The following CCDC50 variants were observed in gnomAD, a reference collection of about 807,000 sequenced individuals.
The protein encoded by CCDC50 is coiled-coil domain-containing protein 50.
In CCDC50, 54 loss-of-function variants were observed where a neutral mutation model predicts 70.2. The ratio of observed to expected loss-of-function variants is 0.77; its 90% CI spans 0.62 to 0.96. The LOEUF (loss-of-function observed/expected upper bound fraction) is 0.96. Ranked by LOEUF, CCDC50 falls within the 50% of genes least tolerant of loss-of-function variation. The pLI, the probability that CCDC50 is intolerant of heterozygous loss-of-function variation, is 0.00. For synonymous variants in CCDC50, 216 were observed against 198.8 expected (o/e 1.09, Z -0.73); for missense variants, 558 against 578.7 (o/e 0.96, Z 0.37).
chr3:191,351,083 A>T (rs1305975505), intron 1 of CCDC50, among the ~76,000 whole-genome samples: 1 of 141,822 alleles, frequency 7.1e-6, no homozygotes, highest in Non-Finnish European at 1.6e-5. Context: ...TTACCCCATC[A>T]CTTGTAAATC....
At chr3:191,336,629 A>G (rs1003409427) in intron 1 of CCDC50, among the ~76,000 whole-genome samples, 2 of 152,178 alleles carry the variant, frequency 1.3e-5, no homozygotes, top group Non-Finnish European at 2.9e-5. Context: ...TATCAGAATG[A>G]TATGGGGATC....
chr3:191,389,569 C>T lies in CCDC50; in HGVS notation c.1396C>T (p.Arg466Trp), dbSNP rs147604673. The T allele has an allele frequency of 0.018, 29,740 of 1,613,704 alleles. 334 individuals are homozygous for T. Among genetic ancestry groups the T allele is most frequent in the Non-Finnish European group, 0.021 (24,871 of 1,179,672 alleles). ...TTTTACAAACCAGCAGAGTTCCACA[C>T]GGCATTTCTCAAAATCAGAGTCCTC... Reference protein sequence around the residue: ...THFTNQQSSTRHFSKSESSHK... With the variant: ...THFTNQQSSTWHFSKSESSHK... Residue 466 changes from arginine to tryptophan, a missense_variant, in exon 11 of 12, where the codon CGG becomes TGG. By Grantham distance (101) the Arg-to-Trp change is moderately radical. Coordinates refer to ENST00000392455, the MANE Select transcript of CCDC50 (RefSeq NM_178335.3).
chr3:191,350,341 G>C (rs1483011489), intron 1 of CCDC50, among the ~76,000 whole-genome samples: 1 of 141,718 alleles, frequency 7.1e-6, no homozygotes, highest in African/African-American at 2.5e-5. Context: ...TGCTTTCAAA[G>C]CAGAGTATAT....
At chr3:191,346,247 C>A (rs1398485196) in intron 1 of CCDC50, among the ~76,000 whole-genome samples, 1 of 152,140 alleles carries the variant, frequency 6.6e-6, no homozygotes, top group Non-Finnish European at 1.5e-5. Context: ...AGAATAAAAA[C>A]ATGTATCTCT....
intron 10 of CCDC50, among the ~76,000 whole-genome samples, chr3:191,385,965 C>T (rs1713480147): frequency 6.6e-6 from 1 of 152,002 alleles, no homozygotes; most frequent in Non-Finnish European, 1.5e-5. Context: ...GGGATCTGTA[C>T]TCTGTTACAT....
chr3:191,390,541 G>T (rs888758713), intron 11 of CCDC50, among the ~76,000 whole-genome samples: 2 of 152,120 alleles, frequency 1.3e-5, no homozygotes, highest in African/African-American at 4.8e-5. Flanking sequence ...GCAAATCCTG[G>T]AACTGAGGGT....
intron 4 of CCDC50, among the ~76,000 whole-genome samples, chr3:191,367,115 A>G (rs1712721163): frequency 6.6e-6 from 1 of 152,128 alleles, no homozygotes; most frequent in Non-Finnish European, 1.5e-5. Flanking sequence ...CTTTCAAAAA[A>G]GAGCTGAGAG....
At chr3:191,331,899 G>T (rs562374104) in intron 1 of CCDC50, among the ~76,000 whole-genome samples, 1 of 152,060 alleles carries the variant, frequency 6.6e-6, no homozygotes. Context: ...ATTTGAGAAG[G>T]GTTAGTAGTA....
Position 191,391,739 on chromosome 3 carries a change from A to G in CCDC50, c.1430-2A>G. Reference sequence around the variant, plus strand: ...TGTTTCCTTTTTTCTTCCCCTCCCCAGGTTTTCATTACAAACATTAAAAAC... The same window carrying G: ...TGTTTCCTTTTTTCTTCCCCTCCCCGGGTTTTCATTACAAACATTAAAAAC... On this transcript the variant is annotated splice_acceptor_variant, in intron 11 of 11. Transcript: ENST00000392455. LOFTEE classifies it high-confidence loss of function. 6.2e-7 allele frequency: 1 copy of G among 1,612,976 alleles called. No homozygotes were observed. The highest frequency in any genetic ancestry group is 8.5e-7 in the Non-Finnish European group (1 of 1,179,304).
intron 1 of CCDC50, among the ~76,000 whole-genome samples, chr3:191,356,390 G>C (rs1712281823): frequency 6.6e-6 from 1 of 152,212 alleles, no homozygotes; most frequent in Non-Finnish European, 1.5e-5. Context: ...TGGAGGCAGA[G>C]TTGGGGCAGA....
chr3:191,342,585 G>C (rs998597617), intron 1 of CCDC50, among the ~76,000 whole-genome samples: 1 of 152,184 alleles, frequency 6.6e-6, no homozygotes, highest in African/African-American at 2.4e-5. Flanking sequence ...TGATCTTTGG[G>C]TTTTAATGGG....
At position 191,394,214 on chromosome 3, in the gene CCDC50, T is replaced by A. The variant is rs1222770060; in HGVS notation, c.*2454T>A. On this transcript the variant is annotated 3_prime_UTR_variant, in exon 12 of 12. Transcript: ENST00000392455. ...TTAAAGGTTTTTAAAAGATTACAATTTTAAAATATTTTATGTTTATTTTAT... is the reference window on the plus strand; with the variant it reads ...TTAAAGGTTTTTAAAAGATTACAATATTAAAATATTTTATGTTTATTTTAT... 1 of 152,178 alleles carries A rather than the reference T, an allele frequency of 6.6e-6. No homozygotes were observed. The highest frequency in any genetic ancestry group is 2.4e-5 in the African/African-American group (1 of 41,460). The allele number at this position is 152,178 out of a possible 1,614,324, so 9.4% of individuals were successfully genotyped here. A position where few individuals can be genotyped will look rare whatever the true frequency, so the allele number is the denominator to read the frequency against.
At chr3:191,379,355 G>A (rs1713227731) in intron 6 of CCDC50, among the ~76,000 whole-genome samples, 1 of 152,018 alleles carries the variant, frequency 6.6e-6, no homozygotes, top group Non-Finnish European at 1.5e-5. Flanking sequence ...TTTCTCCTCT[G>A]AATAGTTAAT....
chr3:191,348,573 A>C (rs1278586712), intron 1 of CCDC50, among the ~76,000 whole-genome samples: 1 of 142,180 alleles, frequency 7.0e-6, no homozygotes, highest in Non-Finnish European at 1.6e-5. Flanking sequence ...TAATTGTATT[A>C]TGGATCTCTG....
At chr3:191,332,785 T>C (rs1179526645) in intron 1 of CCDC50, among the ~76,000 whole-genome samples, 2 of 152,228 alleles carry the variant, frequency 1.3e-5, no homozygotes, top group Non-Finnish European at 2.9e-5. Flanking sequence ...CAAGACTCCC[T>C]ACTTCCTTTT....
chr3:191,359,470 T>G (rs1371207970), intron 3 of CCDC50, among the ~76,000 whole-genome samples: 1 of 152,196 alleles, frequency 6.6e-6, no homozygotes, highest in Non-Finnish European at 1.5e-5. Flanking sequence ...TTTTGTAGAT[T>G]TTAAATTATA....
rs769257994 is a variant in CCDC50 at position 191,375,233 on chromosome 3, C to G, written c.620C>G (p.Ser207Cys). Reference sequence around the variant, plus strand: ...TCATCGAAGAGATCCCTGTCATCCTCTAGCTCGGGCAAAGGGAGGGACAAT... The same window carrying G: ...TCATCGAAGAGATCCCTGTCATCCTGTAGCTCGGGCAAAGGGAGGGACAAT... ...HCSSKRSLSSSSSGKGRDNPH... is the reference protein window; with the variant it reads ...HCSSKRSLSSCSSGKGRDNPH... Residue 207 changes from serine to cysteine, a missense_variant, in exon 6 of 12, where the codon TCT (serine) becomes TGT (cysteine). Ser to Cys is a moderately radical substitution (Grantham distance 112). Coordinates refer to ENST00000392455, the MANE Select transcript of CCDC50 (RefSeq NM_178335.3). 1.9e-6 allele frequency: 3 copies of G among 1,613,798 alleles called. No homozygotes were observed. The highest frequency in any genetic ancestry group is 4.5e-5 in the East Asian group (2 of 44,868).
intron 5 of CCDC50, among the ~76,000 whole-genome samples, chr3:191,370,538 G>C (rs1285889499): frequency 6.6e-6 from 1 of 150,998 alleles, no homozygotes; most frequent in Non-Finnish European, 1.5e-5. Context: ...ACCCAGGCTG[G>C]AGTGCAATGG....
In CCDC50 at chr3:191,391,827, T is replaced by C; in HGVS notation, c.*67T>C. On this transcript the variant is annotated 3_prime_UTR_variant, in exon 12 of 12. Transcript: ENST00000392455. ...ATATTACTGGGTGATACAGAATGAA[T>C]TCTACACTTACTTTTTTTCTCCTGT... 1 of 1,406,176 alleles carries C rather than the reference T, an allele frequency of 7.1e-7. No individual in the cohort carries two copies. The highest frequency in any genetic ancestry group is 1.0e-6 in the Non-Finnish European group (1 of 998,046). 87.1% of individuals were successfully genotyped at this position (1,406,176 alleles called of 1,614,324 possible).
Sources: allele counts gnomAD v4.1 joint callset (sites outside exome capture counted in the v4.1 genomes callset), GRCh38; gene constraint gnomAD v4.1.1; transcripts MANE v1.5; gene names NCBI Gene and HGNC (gene_info 2026-07-23, HGNC 2026-07-21).